The following RIPK3 variants were observed in gnomAD, a reference collection of about 807,000 sequenced individuals.
RIPK3 encodes the protein receptor interacting serine/threonine kinase 3, also known as receptor-interacting serine/threonine-protein kinase 3.
Under a neutral mutation model 51.6 loss-of-function variants are expected in RIPK3, and 51 were observed. That is an observed-to-expected ratio of 0.99 (90% CI 0.79 to 1.25). The LOEUF (loss-of-function observed/expected upper bound fraction) is 1.25. Ranked by LOEUF, RIPK3 falls within the 50% of genes most tolerant of loss-of-function variation. The pLI, the probability that RIPK3 is intolerant of heterozygous loss-of-function variation, is 0.00. For synonymous variants in RIPK3, 246 were observed against 257.7 expected (o/e 0.95, Z 0.44); for missense variants, 654 against 650.4 (o/e 1.01, Z -0.06).
At position 24,337,334 on chromosome 14, in the gene RIPK3, C is replaced by T; in HGVS notation, c.1027G>A (p.Val343Ile). The T allele has an allele frequency of 6.2e-7, 1 of 1,614,062 alleles. No individual in the cohort carries two copies. The highest frequency in any genetic ancestry group is 8.5e-7 in the Non-Finnish European group (1 of 1,180,022). ...TTGTTTAGCCACTCAGAAACCATGA[C>T]ATCATTACGAGAGTGCTGGTTTTCT... ...TIENQHSRND[V>I]MVSEWLNKLN... is the part of the protein sequence containing the mutation. Residue 343 changes from valine (V) to isoleucine (I), a missense_variant, in exon 8 of 10, where the codon GTC (valine) becomes ATC (isoleucine). Coordinates refer to ENST00000216274, the MANE Select transcript of RIPK3 (RefSeq NM_006871.4).
At chr14:24,338,923 G>T in intron 3 of RIPK3, 92 bp downstream of exon 3, 2 of 1,047,026 alleles carry the variant, frequency 1.9e-6, no homozygotes, top group Non-Finnish European at 2.9e-6. Flanking sequence ...CTATTCAATA[G>T]ACAGGGCTCT....
chr14:24,338,386 G>A (rs2042157011), intron 4 of RIPK3, 36 bp downstream of exon 4: 8 of 1,591,910 alleles, frequency 5.0e-6, no homozygotes, highest in Non-Finnish European at 6.9e-6. Context: ...GAGAAGTGTA[G>A]GAATCCTGGC....
At chr14:24,338,697 C>T (rs2042159873) in intron 3 of RIPK3, 130 bp from the exon 4 acceptor site, 3 of 1,304,434 alleles carry the variant, frequency 2.3e-6, no homozygotes, top group Non-Finnish European at 2.1e-6. Context: ...GGAAGAGGTT[C>T]CCTTGGATGG....
chr14:24,339,713 G>A lies in RIPK3; in HGVS notation c.20+94C>T. The A allele has an allele frequency of 6.3e-7, 1 of 1,576,312 alleles. No homozygotes were observed. The highest frequency in any genetic ancestry group is 1.2e-5 in the South Asian group (1 of 85,728). On this transcript the variant is annotated intron_variant, in intron 1 of 9. Coordinates refer to ENST00000216274, the MANE Select transcript of RIPK3 (RefSeq NM_006871.4). The surrounding 1 kb of genome is among the most constrained non-coding windows in gnomAD (Gnocchi z 4.0). ...CCAGCCTCCCTCGCCGGCCCCCACCGTCCCCGGACTCAAAGACGTTCTCTG... is the reference window on the plus strand; with the variant it reads ...CCAGCCTCCCTCGCCGGCCCCCACCATCCCCGGACTCAAAGACGTTCTCTG...
rs2042158531 is a variant in RIPK3 at position 24,338,521 on chromosome 14, C to T, written c.518G>A (p.Gly173Glu). ...GCCCCCTGGCTCCCCGGACCCTGTC[C>T]CTGACTGTGAGCCTCCCTGAAATGT... ...LSTFQGGSQS[G>E]TGSGEPGGTL... Residue 173 changes from glycine (G) to glutamate (E), a missense_variant, in exon 4 of 10, where the codon GGG becomes GAG. By Grantham distance (98) the Gly-to-Glu change is moderately conservative. Transcript: ENST00000216274. 6 of 1,612,440 alleles carry T rather than the reference C, an allele frequency of 3.7e-6. No individual in the cohort carries two copies. In the East Asian group the frequency reaches 1.3e-4, roughly 36 times the overall value.
chr14:24,339,406 G>T lies in RIPK3; in HGVS notation c.161+51C>A. On this transcript the variant is annotated intron_variant, in intron 2 of 9. Coordinates refer to ENST00000216274, the MANE Select transcript of RIPK3 (RefSeq NM_006871.4). This position sits in a 1 kb window ranked among gnomAD's most constrained non-coding sequence, Gnocchi z 4.0. ...CGCCATTCAGGCCCCAGAGCACAGTGGCTCCACCTTTTTGGCCAGATTGCG... is the reference window on the plus strand; with the variant it reads ...CGCCATTCAGGCCCCAGAGCACAGTTGCTCCACCTTTTTGGCCAGATTGCG... 8 of 1,613,692 alleles carry T rather than the reference G, an allele frequency of 5.0e-6. No individual in the cohort carries two copies. Among genetic ancestry groups the T allele is most frequent in the Non-Finnish European group, 6.8e-6 (8 of 1,179,670 alleles).
At position 24,339,659 on chromosome 14, in the gene RIPK3, C is replaced by G; in HGVS notation, c.21-62G>C. On this transcript the variant is annotated intron_variant, in intron 1 of 9. Transcript: ENST00000216274. The surrounding 1 kb of genome is among the most constrained non-coding windows in gnomAD (Gnocchi z 4.0). Reference sequence around the variant, plus strand: ...GTGCCTCAGCGCTGCTCCCCGCGCCCCTGTGACTCGGCGTTCTCACTGCAA... The same window carrying G: ...GTGCCTCAGCGCTGCTCCCCGCGCCGCTGTGACTCGGCGTTCTCACTGCAA... The G allele has an allele frequency of 6.2e-7, 1 of 1,606,014 alleles. No homozygotes were observed. The highest frequency in any genetic ancestry group is 1.3e-5 in the African/African-American group (1 of 74,898).
Position 24,338,583 on chromosome 14 carries a change from A to G in RIPK3, c.472-16T>C. The G allele has an allele frequency of 3.1e-6, 5 of 1,590,128 alleles. No individual in the cohort carries two copies. Among genetic ancestry groups the G allele is most frequent in the Non-Finnish European group, 4.3e-6 (5 of 1,162,090 alleles). ...AATCTGCCAGCTGCAAAGGAAGGAA[A>G]GAAGTGGGAGGTAGGGAAGACAAGG... On this transcript the variant is annotated splice_polypyrimidine_tract_variant and intron_variant, in intron 3 of 9. Transcript: ENST00000216274.
In RIPK3 at chr14:24,336,046, G is replaced by T; in HGVS notation, c.*129C>A. The T allele has an allele frequency of 5.5e-5, 47 of 851,048 alleles. No individual in the cohort carries two copies. Among genetic ancestry groups the T allele is most frequent in the Admixed American group, 1.2e-4 (4 of 33,432 alleles). The allele number at this position is 851,048 out of a possible 1,614,324, so 52.7% of individuals were successfully genotyped here. A position where few individuals can be genotyped will look rare whatever the true frequency, so the allele number is the denominator to read the frequency against. On this transcript the variant is annotated 3_prime_UTR_variant, in exon 10 of 10. Coordinates refer to ENST00000216274, the MANE Select transcript of RIPK3 (RefSeq NM_006871.4). ...TGACTAGCATTCCATCATGTTTATT[G>T]ACTCCTGGGGGACAGGTCACAAAGT...
chr14:24,336,776 C>A, intron 9 of RIPK3, 109 bp downstream of exon 9: 1 of 1,032,650 alleles, frequency 9.7e-7, no homozygotes, highest in Non-Finnish European at 1.5e-6. Flanking sequence ...TGAGTTAGAT[C>A]ATCTTCTCCC....
rs1428646822 is a variant in RIPK3, at chr14:24,336,926, A to T, written c.1295T>A (p.Met432Lys). 34 of 1,614,012 alleles carry T rather than the reference A, an allele frequency of 2.1e-5. No homozygotes were observed. Among genetic ancestry groups the T allele is most frequent in the Non-Finnish European group, 2.8e-5 (33 of 1,180,020 alleles). ...RGNQGAERQG[M>K]NWSCRTPEPN... is the part of the protein sequence containing the mutation. ...CTCCGGGGTCCTGCAGGACCAGTTC[A>T]TGCCTTGTCTCTCAGCCCCCTGCAA... Residue 432 changes from methionine (M) to lysine (K), a missense_variant, in exon 9 of 10, where the codon ATG becomes AAG. Physicochemically the swap from Met to Lys is moderately conservative, Grantham distance 95. Coordinates refer to ENST00000216274, the MANE Select transcript of RIPK3 (RefSeq NM_006871.4).
chr14:24,338,239 A>G lies in RIPK3; in HGVS notation c.664+10T>C. On this transcript the variant is annotated intron_variant, in intron 5 of 9. Coordinates refer to ENST00000216274, the MANE Select transcript of RIPK3 (RefSeq NM_006871.4). ...GGGTTAAGGATCCCAGAATCCTCCTAGAGTCTTACACTCAACTTCTCTTCC... is the reference window on the plus strand; with the variant it reads ...GGGTTAAGGATCCCAGAATCCTCCTGGAGTCTTACACTCAACTTCTCTTCC... 2 of 1,529,518 alleles carry G rather than the reference A, an allele frequency of 1.3e-6. No individual in the cohort carries two copies. 94.7% of individuals were successfully genotyped at this position (1,529,518 alleles called of 1,614,324 possible).
rs1375038909 is a variant in RIPK3, at chr14:24,338,990, C to G, written c.471+25G>C. 3 of 1,590,000 alleles carry G rather than the reference C, an allele frequency of 1.9e-6. No homozygotes were observed. The African/African-American group carries it at 4.0e-5, about 21-fold the overall frequency. On this transcript the variant is annotated intron_variant, in intron 3 of 9. Transcript: ENST00000216274. ...GCAGCTCTGGGGCCTTGTCTTGAGG[C>G]TGAGAGGGGTGTAGACCAGCTGACC...
At position 24,337,717 on chromosome 14, in the gene RIPK3, T is replaced by C. The variant is rs2042150102; in HGVS notation, c.878A>G (p.Asn293Ser). Residue 293 changes from asparagine (N) to serine (S), a missense_variant, in exon 7 of 10, where the codon AAT (asparagine) becomes AGT (serine). By Grantham distance (46) the Asn-to-Ser change is conservative. Transcript: ENST00000216274. ...TDEVFQMVEN[N>S]MNAAVSTVKD... is the part of the protein sequence containing the mutation. ...CACCGTGGAGACAGCAGCATTCATATTGTTCTCCACCATCTGGAAGACTTC... is the reference window on the plus strand; with the variant it reads ...CACCGTGGAGACAGCAGCATTCATACTGTTCTCCACCATCTGGAAGACTTC... 4.3e-6 allele frequency: 7 copies of C among 1,612,932 alleles called. No homozygotes were observed. The South Asian group carries it at 7.7e-5, about 18-fold the overall frequency.
At position 24,339,516 on chromosome 14, in the gene RIPK3, T is replaced by C; in HGVS notation, c.102A>G (p.Thr34=). Residue 34 remains threonine (T), a synonymous_variant, in exon 2 of 10, where the codon ACA becomes ACG. Transcript: ENST00000216274. This position sits in a 1 kb window ranked among gnomAD's most constrained non-coding sequence, Gnocchi z 4.0. Reference sequence around the variant, plus strand: ...ACTTCCTATGTTGCGCCCGGAACACTGTGCCGAACCCGCCTTTGCCGACGA... The same window carrying C: ...ACTTCCTATGTTGCGCCCGGAACACCGTGCCGAACCCGCCTTTGCCGACGA... ...QELVGKGGFG[T]VFRAQHRKWG... 6.2e-7 allele frequency: 1 copy of C among 1,614,174 alleles called. No homozygotes were observed. The highest frequency in any genetic ancestry group is 1.1e-5 in the South Asian group (1 of 91,082).
In RIPK3 at chr14:24,336,051, C is replaced by T. The variant is rs1408784123; in HGVS notation, c.*124G>A. On this transcript the variant is annotated 3_prime_UTR_variant, in exon 10 of 10. Transcript: ENST00000216274. Reference sequence around the variant, plus strand: ...AGCATTCCATCATGTTTATTGACTCCTGGGGGACAGGTCACAAAGTCAGTT... The same window carrying T: ...AGCATTCCATCATGTTTATTGACTCTTGGGGGACAGGTCACAAAGTCAGTT... 1 of 960,958 alleles carries T rather than the reference C, an allele frequency of 1.0e-6. No individual in the cohort carries two copies. Among genetic ancestry groups the T allele is most frequent in the Non-Finnish European group, 1.5e-6 (1 of 655,036 alleles). The allele number at this position is 960,958 out of a possible 1,614,324, so 59.5% of individuals were successfully genotyped here.
In RIPK3 at chr14:24,336,034, A is replaced by G; in HGVS notation, c.*141T>C. 1.3e-6 allele frequency: 1 copy of G among 773,778 alleles called. No individual in the cohort carries two copies. The highest frequency in any genetic ancestry group is 2.0e-6 in the Non-Finnish European group (1 of 504,550). The allele number at this position is 773,778 out of a possible 1,614,324, so 47.9% of individuals were successfully genotyped here. On this transcript the variant is annotated 3_prime_UTR_variant, in exon 10 of 10. Coordinates refer to ENST00000216274, the MANE Select transcript of RIPK3 (RefSeq NM_006871.4). ...CTGAGCTCAGACTGACTAGCATTCC[A>G]TCATGTTTATTGACTCCTGGGGGAC...
chr14:24,338,471 G>T lies in RIPK3; in HGVS notation c.568C>A (p.Leu190Met), dbSNP rs1362071107. The T allele has an allele frequency of 6.2e-7, 1 of 1,613,912 alleles. No homozygotes were observed. Among genetic ancestry groups the T allele is most frequent in the Non-Finnish European group, 8.5e-7 (1 of 1,179,880 alleles). ...GCCTTCCGGTTTACGTTAACAAACAGTTCTGGGGCCAAGTAGCCCAGGGTG... is the reference window on the plus strand; with the variant it reads ...GCCTTCCGGTTTACGTTAACAAACATTTCTGGGGCCAAGTAGCCCAGGGTG... ...GGTLGYLAPE[L>M]FVNVNRKAST... is the part of the protein sequence containing the mutation. The change falls in exon 4 of 10, where the codon CTG becomes ATG. Residue 190 changes from leucine (L) to methionine (M), a missense_variant. By Grantham distance (15) the Leu-to-Met change is conservative. Coordinates refer to ENST00000216274, the MANE Select transcript of RIPK3 (RefSeq NM_006871.4).
At position 24,339,515 on chromosome 14, in the gene RIPK3, CTG is replaced by C. The variant is rs1255623374; in HGVS notation, c.101_102del (p.Thr34SerfsTer7). 1 of 1,614,094 alleles carries C rather than the reference CTG, an allele frequency of 6.2e-7. No individual in the cohort carries two copies. The highest frequency in any genetic ancestry group is 1.7e-5 in the Admixed American group (1 of 60,004). ...CACTTCCTATGTTGCGCCCGGAACA[CTG>C]TGCCGAACCCGCCTTTGCCGACGAG... ...QELVGKGGFGTVFRAQHRKWG... is the reference protein window; with the variant it reads ...QELVGKGGFGXVFRAQHRKWG... On this transcript the variant is annotated frameshift_variant, in exon 2 of 10. Coordinates refer to ENST00000216274, the MANE Select transcript of RIPK3 (RefSeq NM_006871.4). LOFTEE classifies it high-confidence loss of function. This position sits in a 1 kb window ranked among gnomAD's most constrained non-coding sequence, Gnocchi z 4.0.
Sources: gnomAD v4.1 joint callset for allele counts on GRCh38, gnomAD v4.1.1 for gene constraint, Gnocchi (gnomAD v3.1) non-coding constraint, MANE v1.5 for transcripts, NCBI Gene and HGNC (gene_info 2026-07-23, HGNC 2026-07-21) for gene names.